Variants in SVIL observed in about 807,000 individuals in gnomAD.
SVIL encodes the protein archvillin.
A neutral mutation model predicts 240.4 loss-of-function variants in SVIL; 101 were observed. The ratio of observed to expected loss-of-function variants is 0.42; its 90% CI spans 0.36 to 0.50. The LOEUF is 0.50. Among genes scored for constraint, SVIL ranks in the 20% least tolerant of loss-of-function variants. SVIL has a pLI of 0.01. For missense variants in SVIL, 2,512 were observed against 2,818.7 expected (o/e 0.89, Z 2.46); for synonymous variants, 999 against 1,100.0 (o/e 0.91, Z 1.82).
chr10:29,473,749 A>G, intron 30 of SVIL, 89 bp downstream of exon 30: 1 of 1,556,112 alleles, frequency 6.4e-7, no homozygotes. Context: ...TATCAGAATC[A>G]TGTTGGGAGG....
intron 27 of SVIL, among the ~76,000 whole-genome samples, chr10:29,482,418 T>C (rs188005938): frequency 1.3e-5 from 2 of 152,274 alleles, no homozygotes; most frequent in East Asian, 1.9e-4. Flanking sequence ...TTGTCTACTT[T>C]AGCCGCCCAG....
At chr10:29,514,107 G>A in intron 16 of SVIL, among the ~76,000 whole-genome samples, 1 of 151,884 alleles carries the variant, frequency 6.6e-6, no homozygotes, top group East Asian at 1.9e-4. Context: ...GATGGGCCAG[G>A]TCTTATTGAT....
At chr10:29,726,599 T>A (rs1258481339) in intron 1 of SVIL, among the ~76,000 whole-genome samples, 1 of 151,932 alleles carries the variant, frequency 6.6e-6, no homozygotes, top group African/African-American at 2.4e-5. Context: ...ATACAAAAAT[T>A]AGCCAGCTGT....
chr10:29,530,663 C>G lies in SVIL; in HGVS notation c.2050G>C (p.Glu684Gln). 1 of 1,614,140 alleles carries G rather than the reference C, an allele frequency of 6.2e-7. No individual in the cohort carries two copies. The highest frequency in any genetic ancestry group is 8.5e-7 in the Non-Finnish European group (1 of 1,179,998). ...AGCTTGGCTCGTTCATCCACCTTTT[C>G]TTCATCTGCAAAAAGCCACAAATTA... ...HSETPTVDDE[E>Q]KVDERAKLSV... is the part of the protein sequence containing the mutation. Residue 684 changes from glutamate to glutamine, a missense_variant, in exon 11 of 38, where the codon GAA becomes CAA. Glu to Gln is a conservative substitution (Grantham distance 29). This residue lies in a region of SVIL where 1,443 missense variants were observed against 1,486.6 expected (regional missense o/e 0.97). Coordinates refer to ENST00000355867, the MANE Select transcript of SVIL (RefSeq NM_021738.3).
At position 29,457,681 on chromosome 10, in the gene SVIL, C is replaced by G. The variant is rs1272611759; in HGVS notation, c.*566G>C. 6.6e-6 allele frequency: 1 copy of G among 152,592 alleles called. No homozygotes were observed. Among genetic ancestry groups the G allele is most frequent in the Admixed American group, 6.5e-5 (1 of 15,278 alleles). The allele number at this position is 152,592 out of a possible 1,614,324, so 9.5% of individuals were successfully genotyped here. On this transcript the variant is annotated 3_prime_UTR_variant, in exon 38 of 38. Coordinates refer to ENST00000355867, the MANE Select transcript of SVIL (RefSeq NM_021738.3). ...GAAGCAGTACTCAGAACAAGTCATACCTAATGCTGCAGGAAACATTTCCAA... is the reference window on the plus strand; with the variant it reads ...GAAGCAGTACTCAGAACAAGTCATAGCTAATGCTGCAGGAAACATTTCCAA...
chr10:29,482,852 TC>T (rs1357252882), intron 27 of SVIL: 1 of 152,592 alleles, frequency 6.6e-6, no homozygotes, highest in African/African-American at 2.4e-5. Flanking sequence ...CGGTTGTGAA[TC>T]CGGCCCGGAA....
chr10:29,723,813 C>T (rs1017979244), intron 1 of SVIL, among the ~76,000 whole-genome samples: 1 of 151,968 alleles, frequency 6.6e-6, no homozygotes, highest in Non-Finnish European at 1.5e-5. Context: ...CCATTGAGAA[C>T]ATATGAAAAA....
At chr10:29,714,949 A>T (rs75726259) in intron 1 of SVIL, among the ~76,000 whole-genome samples, 9 of 74,566 alleles carry the variant, frequency 1.2e-4, no homozygotes, top group South Asian at 5.9e-4. Flanking sequence ...GTCTGAAATT[A>T]AAAAAAAAAA....
At chr10:29,734,654 A>T (rs911576946) in intron 1 of SVIL, among the ~76,000 whole-genome samples, 4 of 152,198 alleles carry the variant, frequency 2.6e-5, no homozygotes, top group Non-Finnish European at 5.9e-5. Context: ...GGAGGCAGAT[A>T]AGACAAGACA....
intron 5 of SVIL, among the ~76,000 whole-genome samples, chr10:29,554,183 C>T (rs183018380): frequency 3.5e-4 from 53 of 152,108 alleles, no homozygotes; most frequent in African/African-American, 1.1e-3. Flanking sequence ...TGGTGGCACG[C>T]GCTCATAGTC....
chr10:29,608,050 G>C lies in SVIL; in HGVS notation c.-201+26370C>G, dbSNP rs568935928. On this transcript the variant is annotated intron_variant, in intron 1 of 37. Transcript: ENST00000355867. ...GGACTCACAGCAAAGCTTATCAAACGCTGTCAGCAGTCACTCTATGCACAG... is the reference window on the plus strand; with the variant it reads ...GGACTCACAGCAAAGCTTATCAAACCCTGTCAGCAGTCACTCTATGCACAG... Among the ~76,000 whole-genome samples the C allele has an allele frequency of 2.0e-5, 3 of 152,276 alleles. No homozygotes were observed. In the South Asian group the frequency reaches 6.2e-4, roughly 32 times the overall value.
intron 1 of SVIL, among the ~76,000 whole-genome samples, chr10:29,622,382 T>C (rs1589407275): frequency 6.6e-6 from 1 of 151,338 alleles, no homozygotes; most frequent in Admixed American, 6.6e-5. Context: ...CTTCTTATGA[T>C]CATCCCGCCC....
intron 2 of SVIL, among the ~76,000 whole-genome samples, chr10:29,670,114 CAA>C (rs1166569293): frequency 7.6e-6 from 1 of 132,154 alleles, no homozygotes. Context: ...GACTCCATCT[CAA>C]AAAAAAAAAA....
At chr10:29,603,571 A>G (rs1035191607) in intron 1 of SVIL, among the ~76,000 whole-genome samples, 2 of 152,192 alleles carry the variant, frequency 1.3e-5, no homozygotes, top group Middle Eastern at 3.2e-3. Flanking sequence ...CTTCACCTGT[A>G]GGTTGAAAGC....
intron 1 of SVIL, among the ~76,000 whole-genome samples, chr10:29,571,211 G>T (rs2132725538): frequency 6.6e-6 from 1 of 152,346 alleles, no homozygotes; most frequent in East Asian, 1.9e-4. Context: ...GGCTGGAATA[G>T]CTCAGACCCC....
chr10:29,691,218 T>C (rs2132614075), intron 1 of SVIL, among the ~76,000 whole-genome samples: 1 of 151,704 alleles, frequency 6.6e-6, no homozygotes, highest in South Asian at 2.1e-4. Flanking sequence ...AATAATTTTT[T>C]TTTTTTTTTT....
chr10:29,553,183 C>T (rs930713987), intron 5 of SVIL, among the ~76,000 whole-genome samples: 87 of 150,432 alleles, frequency 5.8e-4, no homozygotes, highest in African/African-American at 2.1e-3. Flanking sequence ...AGCTTTCTGG[C>T]CACAGGAAAT....
chr10:29,523,396 A>G (rs929916271), intron 15 of SVIL, 55 bp downstream of exon 15: 1 of 1,487,246 alleles, frequency 6.7e-7, no homozygotes, highest in East Asian at 2.3e-5. Flanking sequence ...GGACAAATCA[A>G]GCAGAAACTA....
In SVIL at chr10:29,589,578, C is replaced by CT. The variant is rs149440837; in HGVS notation, c.-200-20267dup. Among the ~76,000 whole-genome samples the CT allele has an allele frequency of 7.4e-3, 1,133 of 152,254 alleles. 17 individuals carry two copies. The highest frequency in any genetic ancestry group is 0.025 in the African/African-American group (1,055 of 41,554). On this transcript the variant is annotated intron_variant, in intron 1 of 37. Coordinates refer to ENST00000355867, the MANE Select transcript of SVIL (RefSeq NM_021738.3). ...TCCCCCTTTCCTCTTCAGCTGCCGG[C>CT]TTTGGGGGCTGTTTGAGCCCTAATT...
Sources: gnomAD v4.1 joint callset for allele counts (sites outside exome capture counted in the v4.1 genomes callset) on GRCh38, gnomAD v4.1.1 for gene constraint, gnomAD v4.1.1 regional missense constraint, MANE v1.5 for transcripts, NCBI Gene and HGNC (gene_info 2026-07-23, HGNC 2026-07-21) for gene names.